Variants in SOBP observed in about 807,000 individuals in gnomAD.
SOBP encodes the protein sine oculis binding protein homolog.
A neutral mutation model predicts 53.6 loss-of-function variants in SOBP; 4 were observed. That is an observed-to-expected ratio of 0.07 (90% CI 0.04 to 0.17). SOBP has a LOEUF of 0.17. Ranked by LOEUF, SOBP falls within the 10% of genes least tolerant of loss-of-function variation. SOBP has a pLI of 1.00. For missense variants in SOBP, 1,088 were observed against 1,204.7 expected (o/e 0.90, Z 1.43); for synonymous variants, 584 against 522.6 (o/e 1.12, Z -1.60).
chr6:107,657,840 C>CAA (rs11317099), intron 6 of SOBP, among the ~76,000 whole-genome samples: 1 of 117,448 alleles, frequency 8.5e-6, no homozygotes, highest in Non-Finnish European at 1.8e-5. Context: ...GACCCTGTCT[C>CAA]AAAAAAAAAA....
At chr6:107,652,074 T>A (rs778048187) in intron 6 of SOBP, among the ~76,000 whole-genome samples, 6 of 152,236 alleles carry the variant, frequency 3.9e-5, no homozygotes, top group African/African-American at 9.6e-5. Flanking sequence ...AACACAACAT[T>A]CATTCTGCAG....
chr6:107,499,333 A>G (rs769527545), intron 1 of SOBP, among the ~76,000 whole-genome samples: 1 of 152,210 alleles, frequency 6.6e-6, no homozygotes, highest in Non-Finnish European at 1.5e-5. Context: ...CCAAAAGTTT[A>G]TTGTGGAAAT....
chr6:107,566,030 T>C (rs1291242486), intron 4 of SOBP, among the ~76,000 whole-genome samples: 3 of 152,228 alleles, frequency 2.0e-5, no homozygotes, highest in African/African-American at 4.8e-5. Context: ...TCTGCCACTC[T>C]CAGAAATTAG....
intron 5 of SOBP, among the ~76,000 whole-genome samples, chr6:107,587,900 A>G (rs1434489907): frequency 2.0e-5 from 3 of 152,242 alleles, no homozygotes; most frequent in African/African-American, 4.8e-5. Context: ...GTGCTCTGCA[A>G]TGCATTTTCT....
At chr6:107,610,811 C>T (rs2115101130) in intron 5 of SOBP, among the ~76,000 whole-genome samples, 1 of 152,232 alleles carries the variant, frequency 6.6e-6, no homozygotes, top group Admixed American at 6.5e-5. Flanking sequence ...CACACACACA[C>T]ACACACACAC....
intron 3 of SOBP, chr6:107,511,750 G>T (rs1008046311): frequency 6.6e-6 from 1 of 152,148 alleles, no homozygotes; most frequent in African/African-American, 2.4e-5. Context: ...TGGAGAAGGG[G>T]AGCTCCCGTG....
At chr6:107,622,565 C>T (rs1770227100) in intron 5 of SOBP, among the ~76,000 whole-genome samples, 1 of 152,172 alleles carries the variant, frequency 6.6e-6, no homozygotes, top group South Asian at 2.1e-4. Context: ...GTTGCCCTGG[C>T]TTATGGGCAC....
At position 107,525,231 on chromosome 6, in the gene SOBP, T is replaced by G. The variant is rs117011171; in HGVS notation, c.422-8228T>G. On this transcript the variant is annotated intron_variant, in intron 3 of 6. Transcript: ENST00000317357. ...GAAAGACAGACTCCACAGTGAACAC[T>G]GAGAAGCAGAGGCGAGGTTGTCAAA... 2.5e-4 allele frequency among the ~76,000 whole-genome samples: 38 copies of G among 152,298 alleles called. No individual in the cohort carries two copies. In the East Asian group the frequency reaches 6.9e-3, roughly 28 times the overall value.
chr6:107,549,082 T>G (rs867135818), intron 4 of SOBP, among the ~76,000 whole-genome samples: 1 of 151,994 alleles, frequency 6.6e-6, no homozygotes, highest in East Asian at 1.9e-4. Flanking sequence ...CTGGCTAACA[T>G]GGTTAAACCC....
intron 6 of SOBP, among the ~76,000 whole-genome samples, chr6:107,648,774 C>T (rs1661721104): frequency 6.6e-6 from 1 of 152,064 alleles, no homozygotes; most frequent in Non-Finnish European, 1.5e-5. Context: ...TCTGGCAACC[C>T]TTCCTGGCAA....
At chr6:107,591,975 T>G (rs1336395170) in intron 5 of SOBP, among the ~76,000 whole-genome samples, 5 of 89,308 alleles carry the variant, frequency 5.6e-5, no homozygotes, top group South Asian at 4.5e-4. Flanking sequence ...GGTGTTTTTT[T>G]TTTTTTTTTT....
chr6:107,652,293 T>C (rs974379992), intron 6 of SOBP, among the ~76,000 whole-genome samples: 1 of 152,010 alleles, frequency 6.6e-6, no homozygotes, highest in South Asian at 2.1e-4. Flanking sequence ...TTAACAGGAG[T>C]TTGGAAGGAG....
chr6:107,548,290 G>A (rs1583198679), intron 4 of SOBP, among the ~76,000 whole-genome samples: 1 of 144,696 alleles, frequency 6.9e-6, no homozygotes, highest in East Asian at 2.0e-4. Flanking sequence ...GTCTTGCTCT[G>A]TTGCCCACGC....
At chr6:107,493,461 G>A (rs1414559959) in intron 1 of SOBP, among the ~76,000 whole-genome samples, 2 of 152,224 alleles carry the variant, frequency 1.3e-5, no homozygotes, top group African/African-American at 4.8e-5. Flanking sequence ...GGAAAAGTCA[G>A]CCTGGGAAGT....
intron 3 of SOBP, among the ~76,000 whole-genome samples, chr6:107,525,592 T>C (rs890798169): frequency 6.6e-6 from 1 of 152,210 alleles, no homozygotes; most frequent in African/African-American, 2.4e-5. Context: ...GGAAGATGAA[T>C]ACTATGAAAT....
chr6:107,654,998 G>C (rs1485616960), intron 6 of SOBP, among the ~76,000 whole-genome samples: 1 of 152,144 alleles, frequency 6.6e-6, no homozygotes, highest in East Asian at 1.9e-4. Context: ...CTCTGGGGGA[G>C]GGTGGCTGAG....
intron 4 of SOBP, among the ~76,000 whole-genome samples, chr6:107,551,187 G>C (rs1056338176): frequency 2.6e-5 from 4 of 152,072 alleles, no homozygotes; most frequent in African/African-American, 9.7e-5. Flanking sequence ...GGCGGGGGGT[G>C]GTTACCACAA....
At chr6:107,639,341 T>TC (rs1043223750) in intron 6 of SOBP, among the ~76,000 whole-genome samples, 1 of 152,210 alleles carries the variant, frequency 6.6e-6, no homozygotes, top group Admixed American at 6.5e-5. Flanking sequence ...GGTTTTTTTT[T>TC]CCCCATTTGG....
intron 5 of SOBP, among the ~76,000 whole-genome samples, chr6:107,629,202 G>A (rs1770595151): frequency 7.0e-6 from 1 of 142,276 alleles, no homozygotes; most frequent in Admixed American, 6.9e-5. Context: ...TTTTCAAATT[G>A]TTGATGGCAT....
Sources: gnomAD v4.1 joint callset for allele counts (sites outside exome capture counted in the v4.1 genomes callset) on GRCh38, gnomAD v4.1.1 for gene constraint, MANE v1.5 for transcripts, NCBI Gene and HGNC (gene_info 2026-07-23, HGNC 2026-07-21) for gene names.